AUTS2: variants seen among roughly 807,000 people sequenced by gnomAD.
The protein encoded by AUTS2 is autism susceptibility gene 2 protein.
In AUTS2, 17 loss-of-function variants were observed where a neutral mutation model predicts 112.4. The observed-to-expected ratio is 0.15, with a 90% CI of 0.10 to 0.23. The LOEUF is 0.23. Ranked by LOEUF, AUTS2 falls within the 10% of genes least tolerant of loss-of-function variation. The probability of loss-of-function intolerance (pLI) is 1.00; values close to 1 mark genes in which losing one functional copy is unlikely to be tolerated. For missense variants in AUTS2, 1,510 were observed against 1,701.6 expected, an observed-to-expected ratio of 0.89 and a Z score of 1.98; for synonymous variants, 751 against 702.7, an observed-to-expected ratio of 1.07 and a Z score of -1.09.
chr7:69,917,656 C>T (rs539055810), intron 2 of AUTS2, among the ~76,000 whole-genome samples: 2 of 152,176 alleles, frequency 1.3e-5, no homozygotes, highest in South Asian at 2.1e-4. Context: ...CCCTCACTCC[C>T]CTCTCACTCT....
chr7:70,290,835 A>G (rs935288042), intron 4 of AUTS2: 6 of 198,402 alleles, frequency 3.0e-5, no homozygotes, highest in Admixed American at 6.3e-5. Context: ...TATATGTTCA[A>G]TGTATGGCTA....
chr7:69,946,588 AC>A (rs1796821693), intron 2 of AUTS2, among the ~76,000 whole-genome samples: 1 of 146,510 alleles, frequency 6.8e-6, no homozygotes, highest in Admixed American at 6.8e-5. Context: ...ACACACACAC[AC>A]ACACACACAC....
At position 70,272,213 on chromosome 7, in the gene AUTS2, G is replaced by C. The variant is rs1235431705; in HGVS notation, c.660+137642G>C. On this transcript the variant is annotated intron_variant, in intron 4 of 18. Transcript: ENST00000342771. The stretch of plus-strand genomic sequence containing the variant: ...TATCATTACTTCAAAACCAAACCAA[G>C]GGAAGTGTGTTGTAGTTAAATTAAA... Among the ~76,000 whole-genome samples the C allele has an allele frequency of 7.9e-5, 12 of 150,994 alleles. No homozygotes were observed. In the East Asian group the frequency reaches 2.3e-3, roughly 29 times the overall value.
intron 1 of AUTS2, among the ~76,000 whole-genome samples, chr7:69,884,741 A>G (rs754962131): frequency 6.6e-6 from 1 of 152,216 alleles, no homozygotes; most frequent in Non-Finnish European, 1.5e-5. Context: ...GCCTCACAGC[A>G]TCTGATTCCC....
chr7:69,821,665 C>T (rs886072045), intron 1 of AUTS2, among the ~76,000 whole-genome samples: 1 of 151,992 alleles, frequency 6.6e-6, no homozygotes, highest in Non-Finnish European at 1.5e-5. Flanking sequence ...AAACCATGAA[C>T]CCACCGGGAA....
At chr7:70,397,580 G>A (rs1229474373) in intron 4 of AUTS2, among the ~76,000 whole-genome samples, 2 of 151,356 alleles carry the variant, frequency 1.3e-5, no homozygotes, top group Non-Finnish European at 2.9e-5. Flanking sequence ...AAAAAATATT[G>A]TTTAAGAAAT....
intron 4 of AUTS2, among the ~76,000 whole-genome samples, chr7:70,205,060 T>G (rs1356908979): frequency 2.0e-5 from 3 of 152,144 alleles, no homozygotes; most frequent in East Asian, 3.9e-4. Context: ...GTTGGGTTTT[T>G]AAAACAGGGT....
At chr7:70,353,388 C>T (rs1239088459) in intron 4 of AUTS2, among the ~76,000 whole-genome samples, 1 of 151,636 alleles carries the variant, frequency 6.6e-6, no homozygotes, top group Non-Finnish European at 1.5e-5. Flanking sequence ...TGGTTGTGTC[C>T]CTTAACCACA....
chr7:69,803,600 A>G (rs1790178603), intron 1 of AUTS2, among the ~76,000 whole-genome samples: 1 of 152,196 alleles, frequency 6.6e-6, no homozygotes, highest in Non-Finnish European at 1.5e-5. Flanking sequence ...CAAAAAACAA[A>G]TCCCTGCCTT....
At chr7:70,551,964 C>G (rs1801031496) in intron 5 of AUTS2, among the ~76,000 whole-genome samples, 1 of 152,162 alleles carries the variant, frequency 6.6e-6, no homozygotes, top group Non-Finnish European at 1.5e-5. Flanking sequence ...GTGAGAAAAC[C>G]TTATTCCTTT....
At chr7:69,872,576 C>A (rs1055622848) in intron 1 of AUTS2, among the ~76,000 whole-genome samples, 1 of 152,032 alleles carries the variant, frequency 6.6e-6, no homozygotes, top group African/African-American at 2.4e-5. Flanking sequence ...CTTTTTTTCT[C>A]CCGAATTATA....
intron 4 of AUTS2, among the ~76,000 whole-genome samples, chr7:70,426,617 G>A (rs1795448689): frequency 6.6e-6 from 1 of 152,174 alleles, no homozygotes; most frequent in Non-Finnish European, 1.5e-5. Flanking sequence ...TCATCATCAA[G>A]TCGGGCCTCA....
intron 5 of AUTS2, among the ~76,000 whole-genome samples, chr7:70,592,874 C>T (rs1432881231): frequency 1.3e-5 from 2 of 152,114 alleles, no homozygotes; most frequent in Non-Finnish European, 2.9e-5. Flanking sequence ...TTATTAGAGA[C>T]GGTCTTGCTC....
chr7:70,542,662 T>C (rs185551267), intron 5 of AUTS2, among the ~76,000 whole-genome samples: 1 of 152,336 alleles, frequency 6.6e-6, no homozygotes, highest in African/African-American at 2.4e-5. Flanking sequence ...TCTCCTTTAT[T>C]TATCAACCAG....
chr7:70,462,667 A>T (rs1033939483), intron 5 of AUTS2, among the ~76,000 whole-genome samples: 1 of 152,148 alleles, frequency 6.6e-6, no homozygotes, highest in Non-Finnish European at 1.5e-5. Context: ...CCACTAAAAA[A>T]AAATCTAGGC....
intron 4 of AUTS2, among the ~76,000 whole-genome samples, chr7:70,277,950 A>G (rs11768390): frequency 0.28 from 34,759 of 125,598 alleles, 4,168 homozygotes; most frequent in African/African-American, 0.41. Context: ...GTGTGTGTGT[A>G]TGTATGTATG....
intron 2 of AUTS2, among the ~76,000 whole-genome samples, chr7:69,952,008 T>G (rs1441261062): frequency 6.6e-6 from 1 of 152,190 alleles, no homozygotes; most frequent in Non-Finnish European, 1.5e-5. Flanking sequence ...TCGATTTACC[T>G]AAAGAGAAAG....
At chr7:70,085,190 G>T (rs1257411037) in intron 2 of AUTS2, among the ~76,000 whole-genome samples, 4 of 151,960 alleles carry the variant, frequency 2.6e-5, no homozygotes, top group Non-Finnish European at 4.4e-5. Flanking sequence ...CTTTTTATGG[G>T]TCATCCTTTT....
chr7:70,189,362 C>T (rs1809765927), intron 4 of AUTS2, among the ~76,000 whole-genome samples: 1 of 152,124 alleles, frequency 6.6e-6, no homozygotes. Context: ...TGAATCTTGG[C>T]CAGGCAATAG....
Sources: allele counts gnomAD v4.1 joint callset (sites outside exome capture counted in the v4.1 genomes callset), GRCh38; gene constraint gnomAD v4.1.1; transcripts MANE v1.5; gene names NCBI Gene and HGNC (gene_info 2026-07-23, HGNC 2026-07-21).